The following CDK6 variants were observed in gnomAD, a reference collection of about 807,000 sequenced individuals.
CDK6 encodes the protein cyclin-dependent kinase 6.
Under a neutral mutation model 37.1 loss-of-function variants are expected in CDK6, and 6 were observed. The observed-to-expected ratio is 0.16, with a 90% confidence interval of 0.09 to 0.32. The LOEUF is 0.32. CDK6 is among the 10% of genes least tolerant of loss of function. The probability of loss-of-function intolerance (pLI) is 1.00; values close to 1 mark genes in which losing one functional copy is unlikely to be tolerated. For synonymous variants in CDK6, 160 were observed against 161.3 expected (o/e 0.99, Z 0.06); for missense variants, 224 against 418.9 (o/e 0.53, Z 4.06).
chr7:92,643,110 C>T (rs1401251832), intron 5 of CDK6, among the ~76,000 whole-genome samples: 1 of 152,180 alleles, frequency 6.6e-6, no homozygotes, highest in East Asian at 1.9e-4. Context: ...TGGTCTCGAA[C>T]TCCTGGACTC....
chr7:92,658,239 A>C (rs1181528482), intron 5 of CDK6, among the ~76,000 whole-genome samples: 1 of 152,162 alleles, frequency 6.6e-6, no homozygotes, highest in Non-Finnish European at 1.5e-5. Flanking sequence ...TGACCCTGTA[A>C]TTTCACTTCT....
intron 4 of CDK6, among the ~76,000 whole-genome samples, chr7:92,707,592 T>A (rs1797996243): frequency 6.6e-6 from 1 of 152,164 alleles, no homozygotes; most frequent in East Asian, 1.9e-4. Flanking sequence ...TAAAACAACA[T>A]CAATGGAGTC....
intron 2 of CDK6, among the ~76,000 whole-genome samples, chr7:92,820,651 A>G (rs1371977187): frequency 1.3e-5 from 2 of 152,152 alleles, no homozygotes; most frequent in Non-Finnish European, 2.9e-5. Flanking sequence ...TAAAATTATT[A>G]TATGAAATAA....
chr7:92,654,945 A>C (rs556693424), intron 5 of CDK6, among the ~76,000 whole-genome samples: 2 of 152,078 alleles, frequency 1.3e-5, no homozygotes, highest in East Asian at 1.9e-4. Context: ...TCCCAGGCTC[A>C]AGCTATTCTC....
chr7:92,698,108 T>C (rs1312213526), intron 4 of CDK6, among the ~76,000 whole-genome samples: 1 of 152,228 alleles, frequency 6.6e-6, no homozygotes, highest in Non-Finnish European at 1.5e-5. Context: ...ATTGTTGCCA[T>C]CTTTTACAGT....
chr7:92,725,069 G>T (rs1157424367), intron 4 of CDK6: 17 of 985,254 alleles, frequency 1.7e-5, no homozygotes, highest in Non-Finnish European at 3.6e-6. Context: ...AGGGCCGTTG[G>T]GTTCGCTCTT....
In CDK6 at chr7:92,682,533, T is replaced by C. The variant is rs577605995; in HGVS notation, c.538-10998A>G. Among the ~76,000 whole-genome samples, 6 of 152,270 alleles carry C rather than the reference T, an allele frequency of 3.9e-5. No homozygotes were observed. The South Asian group carries it at 1.2e-3, about 32-fold the overall frequency. On this transcript the variant is annotated intron_variant, in intron 4 of 7. Coordinates refer to ENST00000424848, the MANE Select transcript of CDK6 (RefSeq NM_001145306.2). Reference sequence around the variant, plus strand: ...CATCTCAATCATTGTATCCTTACGGTCTACTAGGCCCAAAGCCAGCCCTTT... The same window carrying C: ...CATCTCAATCATTGTATCCTTACGGCCTACTAGGCCCAAAGCCAGCCCTTT...
At chr7:92,803,144 G>C (rs1191979430) in intron 2 of CDK6, among the ~76,000 whole-genome samples, 2 of 152,122 alleles carry the variant, frequency 1.3e-5, no homozygotes, top group African/African-American at 4.8e-5. Context: ...CATTTTTAAA[G>C]AAATAGGCTA....
intron 3 of CDK6, among the ~76,000 whole-genome samples, chr7:92,752,033 C>A (rs1274929914): frequency 1.3e-5 from 2 of 152,106 alleles, no homozygotes; most frequent in Non-Finnish European, 2.9e-5. Flanking sequence ...TGAAAACAGT[C>A]TAATGGGTTG....
At chr7:92,732,971 A>C (rs1798687344) in intron 3 of CDK6, among the ~76,000 whole-genome samples, 1 of 152,232 alleles carries the variant, frequency 6.6e-6, no homozygotes, top group Non-Finnish European at 1.5e-5. Context: ...GTCTGCCTCC[A>C]GCCTTGTAGT....
rs1795601156 is a variant in CDK6 at position 92,613,253 on chromosome 7, A to C, written c.*1887T>G. ...CTTGTTCAAGATAGTCATATATCAC[A>C]TTAAGCTGCAAAGAATTCAGTACAA... On this transcript the variant is annotated 3_prime_UTR_variant, in exon 8 of 8. Transcript: ENST00000424848. The C allele has an allele frequency of 4.3e-6, 1 of 233,172 alleles. No homozygotes were observed. The highest frequency in any genetic ancestry group is 8.5e-6 in the Non-Finnish European group (1 of 118,046). 14.4% of individuals were successfully genotyped at this position (233,172 alleles called of 1,614,324 possible). A position where few individuals can be genotyped will look rare whatever the true frequency, so the allele number is the denominator to read the frequency against.
intron 5 of CDK6, among the ~76,000 whole-genome samples, chr7:92,632,239 T>C (rs1796069540): frequency 6.6e-6 from 1 of 152,170 alleles, no homozygotes; most frequent in African/African-American, 2.4e-5. Context: ...AAGGTTTTCA[T>C]GTTGCCTTTG....
intron 4 of CDK6, among the ~76,000 whole-genome samples, chr7:92,708,027 CTT>C (rs1554404999): frequency 2.0e-5 from 3 of 152,068 alleles, no homozygotes; most frequent in Non-Finnish European, 4.4e-5. Context: ...ACTTGTTATT[CTT>C]TAGGAATAGT....
intron 5 of CDK6, among the ~76,000 whole-genome samples, chr7:92,628,919 G>T (rs1287489097): frequency 6.6e-6 from 1 of 152,072 alleles, no homozygotes; most frequent in Non-Finnish European, 1.5e-5. Flanking sequence ...AGGTATGAAG[G>T]CTAGGGATGG....
chr7:92,786,601 A>G (rs1486726043), intron 2 of CDK6, among the ~76,000 whole-genome samples: 1 of 150,218 alleles, frequency 6.7e-6, no homozygotes, highest in African/African-American at 2.4e-5. Flanking sequence ...CTTTCTGAAG[A>G]ATAATCTGGC....
intron 4 of CDK6, among the ~76,000 whole-genome samples, chr7:92,699,598 A>G (rs540970560): frequency 6.6e-6 from 1 of 152,342 alleles, no homozygotes; most frequent in South Asian, 2.1e-4. Context: ...AGCACTTCTC[A>G]TGAGATTTAT....
At chr7:92,741,757 A>G (rs1049657345) in intron 3 of CDK6, among the ~76,000 whole-genome samples, 1 of 152,208 alleles carries the variant, frequency 6.6e-6, no homozygotes, top group African/African-American at 2.4e-5. Context: ...ACCATTAAAA[A>G]AATATTCCAC....
chr7:92,695,515 T>C (rs778023236), intron 4 of CDK6, among the ~76,000 whole-genome samples: 1 of 152,324 alleles, frequency 6.6e-6, no homozygotes, highest in African/African-American at 2.4e-5. Context: ...AAAGTCAGAC[T>C]AAGAGCAGCG....
At chr7:92,622,950 A>T in intron 6 of CDK6, 86 bp downstream of exon 6, 1 of 802,760 alleles carries the variant, frequency 1.2e-6, no homozygotes, top group Non-Finnish European at 2.1e-6. Context: ...GACAAGAGAT[A>T]AACACATGAT....
Sources: gnomAD v4.1 joint callset for allele counts (sites outside exome capture counted in the v4.1 genomes callset) on GRCh38, gnomAD v4.1.1 for gene constraint, MANE v1.5 for transcripts, NCBI Gene and HGNC (gene_info 2026-07-23, HGNC 2026-07-21) for gene names.